GALNT7: variants seen among roughly 807,000 people sequenced by gnomAD.
GALNT7 encodes the protein N-acetylgalactosaminyltransferase 7.
In GALNT7, 60 loss-of-function variants were observed where a neutral mutation model predicts 82.1. The ratio of observed to expected loss-of-function variants is 0.73; its 90% CI spans 0.59 to 0.91. The LOEUF (loss-of-function observed/expected upper bound fraction) is 0.91. Ranked by LOEUF, GALNT7 falls within the 40% of genes least tolerant of loss-of-function variation. The pLI, the probability that GALNT7 is intolerant of heterozygous loss-of-function variation, is 0.00. For missense variants in GALNT7, 660 were observed against 804.2 expected (o/e 0.82, Z 2.17); for synonymous variants, 243 against 275.1 (o/e 0.88, Z 1.15).
intron 1 of GALNT7, among the ~76,000 whole-genome samples, chr4:173,198,330 G>A (rs10024603): frequency 0.72 from 108,345 of 151,522 alleles, 40,178 homozygotes; most frequent in East Asian, 0.89. Context: ...GGTCTCCCAA[G>A]GTGCTGGGAT....
At chr4:173,209,681 A>T (rs553837138) in intron 1 of GALNT7, among the ~76,000 whole-genome samples, 18 of 152,272 alleles carry the variant, frequency 1.2e-4, no homozygotes, top group African/African-American at 4.1e-4. Flanking sequence ...TCCCTCAGGA[A>T]TGTGTAGATG....
At chr4:173,234,821 A>G (rs1734158929) in intron 1 of GALNT7, among the ~76,000 whole-genome samples, 2 of 151,998 alleles carry the variant, frequency 1.3e-5, no homozygotes, top group African/African-American at 4.8e-5. Flanking sequence ...AAAGAAAACA[A>G]AAAAAAACTG....
intron 1 of GALNT7, among the ~76,000 whole-genome samples, chr4:173,184,258 T>G (rs1579888535): frequency 6.7e-6 from 1 of 149,200 alleles, no homozygotes; most frequent in African/African-American, 2.5e-5. Context: ...GGCTGGGAGG[T>G]GGAGGTTGTA....
At chr4:173,310,460 A>AC (rs1328144468) in intron 8 of GALNT7, among the ~76,000 whole-genome samples, 10 of 151,846 alleles carry the variant, frequency 6.6e-5, no homozygotes, top group Non-Finnish European at 1.3e-4. Flanking sequence ...ATCAAGTTCA[A>AC]CCCCCTTCAG....
At chr4:173,321,460 G>A (rs757298676) in intron 11 of GALNT7, 120 bp from the exon 12 acceptor site, 186 of 686,610 alleles carry the variant, frequency 2.7e-4, no homozygotes, top group Non-Finnish European at 4.3e-4. Flanking sequence ...AGTCTGAGGT[G>A]TGGTTGAGAA....
chr4:173,314,282 G>A (rs192399750), intron 9 of GALNT7, 106 bp downstream of exon 9: 1 of 780,888 alleles, frequency 1.3e-6, no homozygotes. Context: ...GAAAAGTTGG[G>A]GTAAAAACTG....
chr4:173,214,004 C>T (rs566706966), intron 1 of GALNT7, among the ~76,000 whole-genome samples: 2 of 151,914 alleles, frequency 1.3e-5, no homozygotes, highest in Non-Finnish European at 2.9e-5. Flanking sequence ...AATATTGGCC[C>T]CTGTACTTTA....
At chr4:173,174,303 A>G (rs1223500014) in intron 1 of GALNT7, among the ~76,000 whole-genome samples, 1 of 152,204 alleles carries the variant, frequency 6.6e-6, no homozygotes, top group African/African-American at 2.4e-5. Context: ...CATGTTTCCT[A>G]AAGTGTCCTC....
intron 1 of GALNT7, among the ~76,000 whole-genome samples, chr4:173,177,847 G>A (rs1373826165): frequency 5.9e-5 from 9 of 152,146 alleles, no homozygotes; most frequent in African/African-American, 1.9e-4. Context: ...TGATAAAGAA[G>A]TTCAGGTCGT....
intron 1 of GALNT7, among the ~76,000 whole-genome samples, chr4:173,184,347 T>G (rs955223531): frequency 2.0e-5 from 3 of 151,994 alleles, no homozygotes; most frequent in Non-Finnish European, 2.9e-5. Context: ...CTGCAATCCC[T>G]GCACCTAGGG....
At chr4:173,312,263 G>T (rs1737413467) in intron 8 of GALNT7, among the ~76,000 whole-genome samples, 1 of 152,224 alleles carries the variant, frequency 6.6e-6, no homozygotes, top group Non-Finnish European at 1.5e-5. Context: ...AAGAAAAGAG[G>T]TTTATTTATT....
At position 173,307,547 on chromosome 4, in the gene GALNT7, T is replaced by TG. The variant is rs575868298; in HGVS notation, c.1389+3430dup. Among the ~76,000 whole-genome samples the TG allele has an allele frequency of 1.3e-3, 204 of 152,286 alleles. 1 individual carries two copies. Among genetic ancestry groups the TG allele is most frequent in the African/African-American group, 4.5e-3 (189 of 41,564 alleles). ...TTGGTAGCAGTATGTGAGGCCCAGA[T>TG]GCTTGTGAAGTAGCTTTTAGAGCCA... is the stretch of plus-strand genomic sequence containing the variant. On this transcript the variant is annotated intron_variant, in intron 8 of 11. Transcript: ENST00000265000.
At chr4:173,197,344 A>G (rs1003174923) in intron 1 of GALNT7, among the ~76,000 whole-genome samples, 1 of 151,920 alleles carries the variant, frequency 6.6e-6, no homozygotes, top group Non-Finnish European at 1.5e-5. Flanking sequence ...AAGAGTAAAG[A>G]AATTTCATGT....
intron 8 of GALNT7, among the ~76,000 whole-genome samples, chr4:173,313,501 G>A (rs1008629622): frequency 4.0e-5 from 6 of 150,054 alleles, no homozygotes; most frequent in Non-Finnish European, 7.4e-5. Flanking sequence ...AACCCAGGAA[G>A]TTGAAGCTGC....
At chr4:173,192,445 G>A (rs1732655622) in intron 1 of GALNT7, among the ~76,000 whole-genome samples, 2 of 152,036 alleles carry the variant, frequency 1.3e-5, no homozygotes, top group South Asian at 4.1e-4. Flanking sequence ...TATATAAGTT[G>A]CCCTTTGCAG....
At chr4:173,193,747 A>G (rs1007760451) in intron 1 of GALNT7, among the ~76,000 whole-genome samples, 6 of 152,192 alleles carry the variant, frequency 3.9e-5, no homozygotes, top group African/African-American at 1.2e-4. Flanking sequence ...AGCTTTGATT[A>G]CAATCCCAAA....
chr4:173,229,801 G>A (rs925286189), intron 1 of GALNT7, among the ~76,000 whole-genome samples: 2 of 152,086 alleles, frequency 1.3e-5, no homozygotes, highest in East Asian at 3.8e-4. Context: ...CTTCATGATG[G>A]AAGTCAGTAT....
chr4:173,175,252 A>G (rs1271238026), intron 1 of GALNT7, among the ~76,000 whole-genome samples: 1 of 152,256 alleles, frequency 6.6e-6, no homozygotes, highest in African/African-American at 2.4e-5. Flanking sequence ...CAACAATAAT[A>G]GTTTACATAT....
At chr4:173,199,110 A>T (rs796408748) in intron 1 of GALNT7, among the ~76,000 whole-genome samples, 1 of 152,306 alleles carries the variant, frequency 6.6e-6, no homozygotes, top group African/African-American at 2.4e-5. Flanking sequence ...TTATATACAA[A>T]ATATGTAGTA....
Sources: gnomAD v4.1 joint callset for allele counts (sites outside exome capture counted in the v4.1 genomes callset) on GRCh38, gnomAD v4.1.1 for gene constraint, MANE v1.5 for transcripts, NCBI Gene and HGNC (gene_info 2026-07-23, HGNC 2026-07-21) for gene names.